The following ERC1 variants were observed in gnomAD, a reference collection of about 807,000 sequenced individuals.
ERC1 encodes ELKS/RAB6-interacting/CAST family member 1, also known as RAB6 interacting protein 2.
In ERC1, 56 loss-of-function variants were observed where a neutral mutation model predicts 132.0. The ratio of observed to expected loss-of-function variants is 0.42; its 90% confidence interval spans 0.34 to 0.53. ERC1 has a LOEUF of 0.53. ERC1 is among the 20% of genes least tolerant of loss of function. ERC1 has a pLI of 0.03. For missense variants in ERC1, 1,202 were observed against 1,349.9 expected (o/e 0.89, Z 1.72); for synonymous variants, 478 against 476.1 (o/e 1.00, Z -0.05).
intron 15 of ERC1, among the ~76,000 whole-genome samples, chr12:1,294,413 A>G (rs2079752450): frequency 6.6e-6 from 1 of 152,218 alleles, no homozygotes; most frequent in African/African-American, 2.4e-5. Flanking sequence ...TAAGTAACAA[A>G]TAAAGAACTA....
At chr12:1,364,367 A>G (rs1406284722) in intron 15 of ERC1, among the ~76,000 whole-genome samples, 2 of 152,144 alleles carry the variant, frequency 1.3e-5, no homozygotes, top group Non-Finnish European at 2.9e-5. Context: ...GTATTTCTAT[A>G]TTACGTACAA....
intron 14 of ERC1, among the ~76,000 whole-genome samples, chr12:1,270,807 A>AGTACAAGACAGGATCT (rs1334587441): frequency 6.6e-6 from 1 of 151,888 alleles, no homozygotes; most frequent in Non-Finnish European, 1.5e-5. Flanking sequence ...TATTGAGAAA[A>AGTACAAGACAGGATCT]GTACAAGACA....
At chr12:1,427,592 G>A (rs1384868431) in intron 17 of ERC1, among the ~76,000 whole-genome samples, 1 of 152,056 alleles carries the variant, frequency 6.6e-6, no homozygotes, top group Non-Finnish European at 1.5e-5. Flanking sequence ...CAGGGCGTTT[G>A]TATTATTTTG....
At chr12:1,308,988 C>T (rs2081086135) in intron 15 of ERC1, among the ~76,000 whole-genome samples, 1 of 152,166 alleles carries the variant, frequency 6.6e-6, no homozygotes, top group African/African-American at 2.4e-5. Flanking sequence ...AACTCATTTG[C>T]CCCTTCCACT....
intron 17 of ERC1, among the ~76,000 whole-genome samples, chr12:1,440,423 G>A (rs111903634): frequency 0.016 from 2,281 of 146,070 alleles, 65 homozygotes; most frequent in African/African-American, 0.057. Context: ...AGCCAGGATG[G>A]TCTCGATCTC....
intron 15 of ERC1, among the ~76,000 whole-genome samples, chr12:1,335,496 T>C (rs117135134): frequency 0.029 from 4,419 of 152,236 alleles, 89 homozygotes; most frequent in South Asian, 0.087. Flanking sequence ...TCCTGTAGTT[T>C]TTGTCTTTAG....
At chr12:1,027,091 C>A (rs910957091) in intron 1 of ERC1, among the ~76,000 whole-genome samples, 3 of 152,090 alleles carry the variant, frequency 2.0e-5, no homozygotes, top group Admixed American at 1.3e-4. Flanking sequence ...TTTTTTCCCC[C>A]AAAATTCTTG....
intron 6 of ERC1, among the ~76,000 whole-genome samples, chr12:1,114,438 A>G (rs1211733665): frequency 6.6e-6 from 1 of 152,134 alleles, no homozygotes; most frequent in Non-Finnish European, 1.5e-5. Context: ...TTTTATATTT[A>G]TTTTTGACCA....
At chr12:1,042,868 C>G (rs932669401) in intron 2 of ERC1, among the ~76,000 whole-genome samples, 1 of 152,002 alleles carries the variant, frequency 6.6e-6, no homozygotes, top group Non-Finnish European at 1.5e-5. Flanking sequence ...ACTCCTCTTC[C>G]TGGGCATAGG....
chr12:1,115,926 A>G lies in ERC1; in HGVS notation c.1462A>G (p.Lys488Glu), dbSNP rs1417884268. ...KDTELLALQT[K>E]LETLTNQFSD... ...CACAGAACTACTCGCCCTGCAGACAAAGCTAGAAACACTCACAAACCAGTT... is the reference window on the plus strand; with the variant it reads ...CACAGAACTACTCGCCCTGCAGACAGAGCTAGAAACACTCACAAACCAGTT... Residue 488 changes from lysine (K) to glutamate (E), a missense_variant, in exon 7 of 19, where the codon AAG becomes GAG. By Grantham distance (56) the Lys-to-Glu change is moderately conservative. Transcript: ENST00000360905. The G allele has an allele frequency of 6.2e-7, 1 of 1,614,146 alleles. No homozygotes were observed.
At chr12:1,178,566 TA>T (rs1347696304) in intron 8 of ERC1, among the ~76,000 whole-genome samples, 1 of 152,154 alleles carries the variant, frequency 6.6e-6, no homozygotes, top group Non-Finnish European at 1.5e-5. Flanking sequence ...ATACATAATA[TA>T]TACATGTATA....
intron 1 of ERC1, among the ~76,000 whole-genome samples, chr12:1,027,189 G>T (rs1048698186): frequency 6.6e-6 from 1 of 152,090 alleles, no homozygotes; most frequent in East Asian, 1.9e-4. Flanking sequence ...ATTAAAAACT[G>T]CATTTTCTAG....
At chr12:1,306,183 A>G (rs775574579) in intron 15 of ERC1, among the ~76,000 whole-genome samples, 1 of 152,180 alleles carries the variant, frequency 6.6e-6, no homozygotes, top group Non-Finnish European at 1.5e-5. Context: ...CTACCTCATG[A>G]TAAACACCTT....
rs773202272 is a variant in ERC1, at chr12:1,494,528, C to G, written c.*4298C>G. 4.3e-6 allele frequency: 1 copy of G among 231,304 alleles called. No individual in the cohort carries two copies. The highest frequency in any genetic ancestry group is 1.8e-4 in the South Asian group (1 of 5,510). The allele number at this position is 231,304 out of a possible 1,614,324, so 14.3% of individuals were successfully genotyped here. On this transcript the variant is annotated 3_prime_UTR_variant, in exon 19 of 19. Transcript: ENST00000360905. ...TCTTCACCTACTCTTCAGCAAAAAC[C>G]GTCTCCAGACTTTTTAGTGTCAAAA...
intron 15 of ERC1, among the ~76,000 whole-genome samples, chr12:1,297,884 A>G (rs1240872047): frequency 6.6e-6 from 1 of 152,168 alleles, no homozygotes; most frequent in Non-Finnish European, 1.5e-5. Context: ...CAGTATCCCA[A>G]AATATTAGGA....
At chr12:1,261,524 A>G (rs1243533442) in intron 13 of ERC1, among the ~76,000 whole-genome samples, 1 of 152,130 alleles carries the variant, frequency 6.6e-6, no homozygotes, top group Admixed American at 6.5e-5. Flanking sequence ...TTTGATTCTG[A>G]AGAAACCACC....
chr12:1,257,114 T>G (rs1379166617), intron 13 of ERC1: 1 of 141,454 alleles, frequency 7.1e-6, no homozygotes, highest in African/African-American at 2.7e-5. Flanking sequence ...CTGATGCAAC[T>G]GCCTTGCACT....
rs544266211 is a variant in ERC1, at chr12:1,097,715, AT to A, written c.1087-7018del. On this transcript the variant is annotated intron_variant, in intron 3 of 18. Coordinates refer to ENST00000360905, the MANE Select transcript of ERC1 (RefSeq NM_178040.4). ...CTCTGTGTTTTGTTTTTAATTTTTA[AT>A]TTTTTTTTTTTTTTTTGAGACAGAG... Among the ~76,000 whole-genome samples the A allele has an allele frequency of 4.5e-3, 618 of 137,414 alleles. 3 individuals are homozygous for A. The highest frequency in any genetic ancestry group is 9.7e-3 in the African/African-American group (363 of 37,466). 90.1% of individuals were successfully genotyped at this position (137,414 alleles called of 152,430 possible).
chr12:1,018,798 T>C lies in ERC1; in HGVS notation c.-156-8950T>C, dbSNP rs1297170457. ...ATGGAGTAAGACATTCCTTTACTTTTAAGGAGGTGATTAACTAAAACAATA... is the reference window on the plus strand; with the variant it reads ...ATGGAGTAAGACATTCCTTTACTTTCAAGGAGGTGATTAACTAAAACAATA... On this transcript the variant is annotated intron_variant, in intron 1 of 18. Transcript: ENST00000360905. 3.3e-5 allele frequency among the ~76,000 whole-genome samples: 5 copies of C among 152,290 alleles called. No homozygotes were observed. The East Asian group carries it at 7.7e-4, about 24-fold the overall frequency.
Sources: gnomAD v4.1 joint callset for allele counts (sites outside exome capture counted in the v4.1 genomes callset) on GRCh38, gnomAD v4.1.1 for gene constraint, MANE v1.5 for transcripts, NCBI Gene and HGNC (gene_info 2026-07-23, HGNC 2026-07-21) for gene names.